The following COL21A1 variants were observed in gnomAD, a reference collection of about 807,000 sequenced individuals.
The protein encoded by COL21A1 is collagen type XXI alpha 1 chain.
Under a neutral mutation model 137.9 loss-of-function variants are expected in COL21A1, and 149 were observed. That is an observed-to-expected ratio of 1.08 (90% confidence interval 0.95 to 1.24). COL21A1 has a LOEUF of 1.24. Ranked by LOEUF, COL21A1 falls within the 50% of genes most tolerant of loss-of-function variation. The pLI, the probability that COL21A1 is intolerant of heterozygous loss-of-function variation, is 0.00. For synonymous variants in COL21A1, 456 were observed against 391.5 expected (o/e 1.16, Z -1.95); for missense variants, 1,167 against 1,158.4 (o/e 1.01, Z -0.11).
chr6:56,274,344 A>T (rs1419601091), intron 1 of COL21A1, among the ~76,000 whole-genome samples: 1 of 152,178 alleles, frequency 6.6e-6, no homozygotes, highest in Non-Finnish European at 1.5e-5. Flanking sequence ...CCTATTCAAC[A>T]TAGTACTGGA....
intron 17 of COL21A1, among the ~76,000 whole-genome samples, chr6:56,094,481 G>A (rs150734622): frequency 3.3e-4 from 50 of 152,136 alleles, no homozygotes; most frequent in Non-Finnish European, 1.2e-4. Flanking sequence ...ACATTCATAT[G>A]TCTACCAGTA....
intron 18 of COL21A1, among the ~76,000 whole-genome samples, chr6:56,076,246 T>G (rs12196670): frequency 0.15 from 22,935 of 151,210 alleles, 1,748 homozygotes; most frequent in Middle Eastern, 0.22. Flanking sequence ...CACTTTCAAA[T>G]GGGGCTGAAA....
At chr6:56,171,879 A>C (rs972659393) in intron 3 of COL21A1, among the ~76,000 whole-genome samples, 3 of 151,964 alleles carry the variant, frequency 2.0e-5, no homozygotes, top group Admixed American at 6.6e-5. Flanking sequence ...TGACTGAAAA[A>C]ATTTACTAAA....
intron 1 of COL21A1, among the ~76,000 whole-genome samples, chr6:56,265,660 T>C (rs556396526): frequency 1.3e-5 from 2 of 152,346 alleles, no homozygotes; most frequent in East Asian, 3.9e-4. Context: ...CATACCATCT[T>C]AATTCAGTGG....
At chr6:56,244,200 CTCTGGACCCT>C (rs1782514299) in intron 1 of COL21A1, among the ~76,000 whole-genome samples, 2 of 152,152 alleles carry the variant, frequency 1.3e-5, no homozygotes, top group Non-Finnish European at 2.9e-5. Flanking sequence ...ATTATATCTG[CTCTGGACCCT>C]ATACCTATGA....
At chr6:56,217,948 A>G (rs1340226364) in intron 1 of COL21A1, among the ~76,000 whole-genome samples, 1 of 152,148 alleles carries the variant, frequency 6.6e-6, no homozygotes, top group Non-Finnish European at 1.5e-5. Flanking sequence ...AGGGGATGGC[A>G]AGCCAATTCT....
At chr6:56,346,614 C>G (rs1765603007) in intron 1 of COL21A1, among the ~76,000 whole-genome samples, 1 of 152,138 alleles carries the variant, frequency 6.6e-6, no homozygotes, top group African/African-American at 2.4e-5. Context: ...TAAGCCCTCT[C>G]GTTCCTACTT....
chr6:56,186,251 A>C (rs192110470), intron 1 of COL21A1, among the ~76,000 whole-genome samples: 7 of 152,318 alleles, frequency 4.6e-5, no homozygotes, highest in Non-Finnish European at 8.8e-5. Flanking sequence ...AAAAAATCAC[A>C]TGAACATCTC....
At chr6:56,292,624 C>T (rs1764076089) in intron 1 of COL21A1, among the ~76,000 whole-genome samples, 1 of 152,130 alleles carries the variant, frequency 6.6e-6, no homozygotes, top group Non-Finnish European at 1.5e-5. Context: ...GGTGGGAGAA[C>T]ATAGTAGCTC....
rs576582076 is a variant in COL21A1, at chr6:56,112,680, CTTTTTTCTTT to C, written c.1759-11165_1759-11156del. The stretch of plus-strand genomic sequence containing the variant: ...CACAGAAGAAGTTTTTTTTTCTTTT[CTTTTTTCTTT>C]TTTTTTTTTTTGAGACGGAGTTTCG... On this transcript the variant is annotated intron_variant, in intron 16 of 29. Coordinates refer to ENST00000244728, the MANE Select transcript of COL21A1 (RefSeq NM_030820.4). 6.2e-4 allele frequency among the ~76,000 whole-genome samples: 81 copies of C among 129,682 alleles called. 2 individuals are homozygous for C. In the South Asian group the frequency reaches 0.019, roughly 31 times the overall value. 85.1% of individuals were successfully genotyped at this position (129,682 alleles called of 152,430 possible). A position where few individuals can be genotyped will look rare whatever the true frequency, so the allele number is the denominator to read the frequency against.
In COL21A1 at chr6:56,059,186, G is replaced by C; in HGVS notation, c.2665C>G (p.Gln889Glu). Residue 889 changes from glutamine to glutamate, a missense_variant, in exon 29 of 30, where the codon CAA (glutamine) becomes GAA (glutamate). Physicochemically the swap from Gln to Glu is conservative, Grantham distance 29 (BLOSUM62 2). Coordinates refer to ENST00000244728, the MANE Select transcript of COL21A1 (RefSeq NM_030820.4). Reference protein sequence around the residue: ...GSQGFGYPGEQGPPGPPGPEG... With the variant: ...GSQGFGYPGEEGPPGPPGPEG... The stretch of plus-strand genomic sequence containing the variant: ...TCACCTGGGGGACCAGGAGGACCTT[G>C]TTCTCCAGGATACCCAAACCCTTGG... 5.0e-6 allele frequency: 8 copies of C among 1,612,136 alleles called. No individual in the cohort carries two copies. In the Admixed American group the frequency reaches 1.3e-4, roughly 27 times the overall value.
chr6:56,215,385 C>T (rs1780419679), intron 1 of COL21A1, among the ~76,000 whole-genome samples: 1 of 152,064 alleles, frequency 6.6e-6, no homozygotes, highest in Non-Finnish European at 1.5e-5. Flanking sequence ...CAGACTCATA[C>T]ACTACTTGCA....
chr6:56,114,910 C>G (rs1771780221), intron 16 of COL21A1, among the ~76,000 whole-genome samples: 1 of 147,928 alleles, frequency 6.8e-6, no homozygotes, highest in Non-Finnish European at 1.5e-5. Flanking sequence ...ATAGCAAAGA[C>G]TTGGAACCAA....
chr6:56,255,334 G>GGTGTGTGTGTGTGTGTGTGT (rs71783697), intron 1 of COL21A1, among the ~76,000 whole-genome samples: 1 of 145,490 alleles, frequency 6.9e-6, no homozygotes, highest in Non-Finnish European at 1.5e-5. Context: ...TTGTTAAGAG[G>GGTGTGTGTGTGTGTGTGTGT]GTGTGTGTGT....
chr6:56,179,652 G>A lies in COL21A1; in HGVS notation c.566C>T (p.Thr189Ile), dbSNP rs1777746402. 1 of 1,613,850 alleles carries A rather than the reference G, an allele frequency of 6.2e-7. No individual in the cohort carries two copies. Among genetic ancestry groups the A allele is most frequent in the Non-Finnish European group, 8.5e-7 (1 of 1,179,844 alleles). The change falls in exon 3 of 30, where the codon ACT becomes ATT. Residue 189 changes from threonine (T) to isoleucine (I), a missense_variant. Thr to Ile is a moderately conservative substitution (Grantham distance 89). Transcript: ENST00000244728. The stretch of plus-strand genomic sequence containing the variant: ...ATAGTCTTCCACATAAAACACATAA[G>A]TAGACGAAGGCTTGTTGGCAATAGC... ...LRAIANKPSS[T>I]YVFYVEDYIA...
upstream of COL21A1, among the ~76,000 whole-genome samples, chr6:56,248,665 A>G (rs1782767607): frequency 1.3e-5 from 2 of 152,216 alleles, no homozygotes; most frequent in Non-Finnish European, 2.9e-5. Context: ...TGTGTGAATT[A>G]ATTTCTCCCT....
chr6:56,226,889 T>C (rs1317676835), intron 1 of COL21A1, among the ~76,000 whole-genome samples: 1 of 152,020 alleles, frequency 6.6e-6, no homozygotes, highest in African/African-American at 2.4e-5. Flanking sequence ...AAATACTTTC[T>C]TTGGATTTTT....
intron 1 of COL21A1, among the ~76,000 whole-genome samples, chr6:56,367,921 C>A (rs1397295044): frequency 6.6e-6 from 1 of 152,066 alleles, no homozygotes; most frequent in African/African-American, 2.4e-5. Flanking sequence ...CTTATGTTGC[C>A]CAGGTTGGTC....
intron 1 of COL21A1, among the ~76,000 whole-genome samples, chr6:56,236,854 T>C (rs1223576536): frequency 2.0e-5 from 3 of 152,040 alleles, no homozygotes; most frequent in African/African-American, 7.2e-5. Flanking sequence ...TCAATGTTTT[T>C]ACAGCTGACA....
Sources: allele counts gnomAD v4.1 joint callset (sites outside exome capture counted in the v4.1 genomes callset), GRCh38; gene constraint gnomAD v4.1.1; transcripts MANE v1.5; gene names NCBI Gene and HGNC (gene_info 2026-07-23, HGNC 2026-07-21).